ERO1B: variants seen among roughly 807,000 people sequenced by gnomAD.
The protein encoded by ERO1B is endoplasmic reticulum oxidoreductase 1 beta, also known as ERO1-like protein beta.
In ERO1B, 49 loss-of-function variants were observed where a neutral mutation model predicts 75.3. The observed-to-expected ratio is 0.65, with a 90% CI of 0.52 to 0.83. ERO1B has a LOEUF of 0.83. ERO1B is among the 40% of genes least tolerant of loss of function. The pLI, the probability that ERO1B is intolerant of heterozygous loss-of-function variation, is 0.00. For synonymous variants in ERO1B, 191 were observed against 192.9 expected, an observed-to-expected ratio of 0.99 and a Z score of 0.08; for missense variants, 512 against 560.1, an observed-to-expected ratio of 0.91 and a Z score of 0.87.
At chr1:236,258,303 T>A (rs998410605) in intron 2 of ERO1B, among the ~76,000 whole-genome samples, 1 of 152,092 alleles carries the variant, frequency 6.6e-6, no homozygotes, top group Non-Finnish European at 1.5e-5. Context: ...AAGTGAGTTG[T>A]TACAAACAAG....
chr1:236,266,628 AAATAAT>A (rs1172126000), intron 2 of ERO1B, among the ~76,000 whole-genome samples: 2 of 152,080 alleles, frequency 1.3e-5, no homozygotes, highest in Admixed American at 6.6e-5. Context: ...TAAAATTAAA[AAATAAT>A]AATAAGTTAA....
chr1:236,281,779 C>T lies in ERO1B; in HGVS notation c.5G>A (p.Ser2Asn), dbSNP rs776514857. 24 of 1,507,332 alleles carry T rather than the reference C, an allele frequency of 1.6e-5. No individual in the cohort carries two copies. The Middle Eastern group carries it at 5.5e-4, about 35-fold the overall frequency. 93.4% of individuals were successfully genotyped at this position (1,507,332 alleles called of 1,614,324 possible). A position where few individuals can be genotyped will look rare whatever the true frequency, so the allele number is the denominator to read the frequency against. MSQGVRRAGAGQ... is the reference protein window; with the variant it reads MNQGVRRAGAGQ... ...AGCGCCTGCCCGGCGGACCCCTTGG[C>T]TCATGCTGACCTCTACCCACACCGC... Residue 2 changes from serine (S) to asparagine (N), a missense_variant, in exon 1 of 16, where the codon AGC (serine) becomes AAC (asparagine). Coordinates refer to ENST00000354619, the MANE Select transcript of ERO1B (RefSeq NM_019891.4).
At position 236,226,738 on chromosome 1, in the gene ERO1B, AC is replaced by A; in HGVS notation, c.713del (p.Gly238ValfsTer71). The A allele has an allele frequency of 6.3e-7, 1 of 1,599,094 alleles. No individual in the cohort carries two copies. Among genetic ancestry groups the A allele is most frequent in the South Asian group, 1.1e-5 (1 of 87,384 alleles). On this transcript the variant is annotated frameshift_variant and splice_region_variant, in exon 11 of 16. Transcript: ENST00000354619. LOFTEE classifies it high-confidence loss of function. Reference protein sequence around the residue: ...DGESFYTWLEGLCLEKRVFYK... With the variant: ...DGESFYTWLEXLCLEKRVFYK... ...AGAAGACTCTTTTCTCCAGACACAAACCTATTCAGAAAAATATTGAAAAAGA... is the reference window on the plus strand; with the variant it reads ...AGAAGACTCTTTTCTCCAGACACAAACTATTCAGAAAAATATTGAAAAAGA...
At chr1:236,265,969 G>A (rs1197249025) in intron 2 of ERO1B, among the ~76,000 whole-genome samples, 2 of 152,024 alleles carry the variant, frequency 1.3e-5, no homozygotes, top group Non-Finnish European at 2.9e-5. Context: ...CTAATGTAGG[G>A]CTACCTACCT....
At position 236,220,864 on chromosome 1, in the gene ERO1B, C is replaced by T. The variant is rs762947204; in HGVS notation, c.1311G>A (p.Gln437=). Residue 437 remains glutamine (Q), a synonymous_variant, in exon 15 of 16, where the codon CAG becomes CAA. Coordinates refer to ENST00000354619, the MANE Select transcript of ERO1B (RefSeq NM_019891.4). The part of the protein sequence containing the change: ...SPSKGFQLTR[Q]EIVALLNAFG... ...AAGCATTTAAAAGAGCAACTATTTC[C>T]TGTCGGGTGAGTTGGAAGCCTTTAG... The T allele has an allele frequency of 6.9e-6, 11 of 1,587,874 alleles. No homozygotes were observed. The South Asian group carries it at 1.2e-4, about 17-fold the overall frequency.
At chr1:236,224,482 A>AAAT (rs35000494) in intron 13 of ERO1B, among the ~76,000 whole-genome samples, 106 of 150,462 alleles carry the variant, frequency 7.0e-4, no homozygotes, top group Middle Eastern at 3.4e-3. Context: ...AAAAAAAAAA[A>AAAT]TGCCAATTTC....
At chr1:236,239,807 GTGTGTATATATATA>G (rs1480400245) in intron 6 of ERO1B, among the ~76,000 whole-genome samples, 1,840 of 69,548 alleles carry the variant, frequency 0.026, 65 homozygotes, top group African/African-American at 0.069. Context: ...ATATATATAT[GTGTGTATATATATA>G]TGTGTATATA....
At chr1:236,264,983 G>A (rs1665399933) in intron 2 of ERO1B, among the ~76,000 whole-genome samples, 1 of 151,710 alleles carries the variant, frequency 6.6e-6, no homozygotes, top group Non-Finnish European at 1.5e-5. Flanking sequence ...AACTGCACTT[G>A]TACCCCTTAA....
intron 13 of ERO1B, among the ~76,000 whole-genome samples, chr1:236,224,205 C>T (rs956932976): frequency 6.6e-6 from 1 of 152,130 alleles, no homozygotes; most frequent in African/African-American, 2.4e-5. Context: ...ATTCTTACAC[C>T]AGTTTAGGTC....
At chr1:236,250,582 T>C (rs1664994423) in intron 4 of ERO1B, among the ~76,000 whole-genome samples, 1 of 38,332 alleles carries the variant, frequency 2.6e-5, no homozygotes, top group Non-Finnish European at 5.0e-5. Context: ...CATATATATA[T>C]ATATATATAT....
chr1:236,244,977 C>T lies in ERO1B; in HGVS notation c.432-1482G>A, dbSNP rs138392275. ...AAAAGATGGAATAGGGAATGAGAAA[C>T]TTTCTGGGAGTGATAAATATATACA... On this transcript the variant is annotated intron_variant, in intron 5 of 15. Transcript: ENST00000354619. Among the ~76,000 whole-genome samples the T allele has an allele frequency of 5.8e-3, 884 of 151,950 alleles. 2 individuals carry two copies. The highest frequency in any genetic ancestry group is 8.7e-3 in the Non-Finnish European group (594 of 67,954).
intron 10 of ERO1B, among the ~76,000 whole-genome samples, chr1:236,230,005 T>C (rs12401706): frequency 0.068 from 10,404 of 152,228 alleles, 743 homozygotes; most frequent in East Asian, 0.39. Flanking sequence ...GATGACAGTA[T>C]TTGGCCTGTG....
Position 236,236,349 on chromosome 1 carries a change from C to T in ERO1B, c.555G>A (p.Glu185=). The T allele has an allele frequency of 6.2e-7, 1 of 1,614,052 alleles. No individual in the cohort carries two copies. Among genetic ancestry groups the T allele is most frequent in the South Asian group, 1.1e-5 (1 of 91,070 alleles). Residue 185 remains glutamate (E), a synonymous_variant, in exon 7 of 16, where the codon GAG becomes GAA. Transcript: ENST00000354619. ...AGGTCCCTTTATAGCCAGTGTAACG[C>T]TCTGGGTTCAGCAATAGGTCTACAT... ...AQYVDLLLNP[E]RYTGYKGTSA...
At chr1:236,259,957 C>T (rs996682746) in intron 2 of ERO1B, among the ~76,000 whole-genome samples, 7 of 152,160 alleles carry the variant, frequency 4.6e-5, no homozygotes, top group African/African-American at 1.7e-4. Context: ...ATGGAACATT[C>T]TCCAGGATAG....
At position 236,251,976 on chromosome 1, in the gene ERO1B, C is replaced by T; in HGVS notation, c.348+74G>A. 6 of 1,102,186 alleles carry T rather than the reference C, an allele frequency of 5.4e-6. No individual in the cohort carries two copies. The South Asian group carries it at 6.9e-5, about 13-fold the overall frequency. 68.3% of individuals were successfully genotyped at this position (1,102,186 alleles called of 1,614,324 possible). ...CTAACCATAATATGGTTCTTTACTA[C>T]AGCCACTGTCAGTCAGTAAATGGTA... On this transcript the variant is annotated intron_variant, in intron 4 of 15. Coordinates refer to ENST00000354619, the MANE Select transcript of ERO1B (RefSeq NM_019891.4).
chr1:236,229,654 A>G (rs1271634156), intron 10 of ERO1B, among the ~76,000 whole-genome samples: 1 of 152,144 alleles, frequency 6.6e-6, no homozygotes, highest in Non-Finnish European at 1.5e-5. Flanking sequence ...CCAGTTATTA[A>G]CCTGAGTTAT....
intron 6 of ERO1B, among the ~76,000 whole-genome samples, chr1:236,237,116 C>CTTTTTTTTTT (rs67072171): frequency 1.9e-5 from 2 of 105,482 alleles, no homozygotes; most frequent in Non-Finnish European, 1.9e-5. Context: ...ACTATTTGGA[C>CTTTTTTTTTT]TTTTTTTTTT....
chr1:236,258,937 A>T (rs1282611376), intron 2 of ERO1B, among the ~76,000 whole-genome samples: 2 of 152,202 alleles, frequency 1.3e-5, no homozygotes, highest in Non-Finnish European at 2.9e-5. Flanking sequence ...CACTAGTAAA[A>T]GTAAGCATAC....
intron 2 of ERO1B, among the ~76,000 whole-genome samples, chr1:236,268,634 C>T (rs1055551041): frequency 1.3e-5 from 2 of 152,114 alleles, no homozygotes; most frequent in Non-Finnish European, 2.9e-5. Flanking sequence ...CGCCTGTAAT[C>T]CCAGCACTTT....
Sources: allele counts gnomAD v4.1 joint callset (sites outside exome capture counted in the v4.1 genomes callset), GRCh38; gene constraint gnomAD v4.1.1; transcripts MANE v1.5; gene names NCBI Gene and HGNC (gene_info 2026-07-23, HGNC 2026-07-21).